Variants in RPTOR observed in about 807,000 individuals in gnomAD.
The protein encoded by RPTOR is regulatory associated protein of MTOR complex 1.
RPTOR carries 21 observed loss-of-function variants against 169.9 expected under a neutral mutation model. The ratio of observed to expected loss-of-function variants is 0.12; its 90% confidence interval spans 0.09 to 0.18. RPTOR has a LOEUF of 0.18. Among genes scored for constraint, RPTOR ranks in the 10% least tolerant of loss-of-function variants. The pLI is 1.00. For synonymous variants in RPTOR, 732 were observed against 753.2 expected (o/e 0.97, Z 0.46); for missense variants, 1,133 against 1,855.9 (o/e 0.61, Z 7.16).
At chr17:80,927,107 T>A (rs1033849126) in intron 24 of RPTOR, among the ~76,000 whole-genome samples, 2 of 152,152 alleles carry the variant, frequency 1.3e-5, no homozygotes, top group Admixed American at 1.3e-4. Context: ...ATCCTGGAAT[T>A]GGATGCAGGA....
chr17:80,557,011 G>A (rs1050334022), intron 1 of RPTOR, among the ~76,000 whole-genome samples: 5 of 152,148 alleles, frequency 3.3e-5, no homozygotes, highest in Admixed American at 6.5e-5. Flanking sequence ...CAGGAGAATC[G>A]CTTGAACTCA....
At chr17:80,759,882 A>G (rs964335830) in intron 6 of RPTOR, among the ~76,000 whole-genome samples, 2 of 152,290 alleles carry the variant, frequency 1.3e-5, no homozygotes, top group Admixed American at 1.3e-4. Flanking sequence ...ACTAGTGTTC[A>G]CTTTTTGATG....
At chr17:80,596,218 C>G (rs942082382) in intron 1 of RPTOR, among the ~76,000 whole-genome samples, 10 of 152,162 alleles carry the variant, frequency 6.6e-5, no homozygotes, top group African/African-American at 2.2e-4. Context: ...TCACATTTTC[C>G]TGGTTGAGAT....
At chr17:80,563,585 T>TA (rs113192259) in intron 1 of RPTOR, among the ~76,000 whole-genome samples, 6 of 136,984 alleles carry the variant, frequency 4.4e-5, no homozygotes, top group Admixed American at 7.9e-5. Flanking sequence ...AAAAAAAAGA[T>TA]AATAAATAAA....
chr17:80,634,275 G>C (rs62641966), intron 2 of RPTOR, among the ~76,000 whole-genome samples: 2 of 52,106 alleles, frequency 3.8e-5, no homozygotes, highest in East Asian at 1.1e-3. Flanking sequence ...GTGTGTGTGC[G>C]TACTGTGTGT....
intron 1 of RPTOR, among the ~76,000 whole-genome samples, chr17:80,554,615 G>A (rs947061639): frequency 3.9e-5 from 6 of 152,054 alleles, no homozygotes; most frequent in African/African-American, 1.4e-4. Context: ...GAGGTGACGG[G>A]CGCCTGTAGT....
At chr17:80,691,651 T>G (rs2065992869) in intron 3 of RPTOR, among the ~76,000 whole-genome samples, 1 of 152,206 alleles carries the variant, frequency 6.6e-6, no homozygotes, top group South Asian at 2.1e-4. Flanking sequence ...AGCCAGCATG[T>G]TCTGTGCCAT....
intron 6 of RPTOR, chr17:80,774,055 C>T (rs557546225): frequency 4.1e-6 from 4 of 985,386 alleles, no homozygotes; most frequent in South Asian, 9.4e-5. Flanking sequence ...TCTATTTCTT[C>T]GTTGAAAGAA....
chr17:80,751,334 T>C (rs1394258951), intron 5 of RPTOR, among the ~76,000 whole-genome samples: 1 of 152,188 alleles, frequency 6.6e-6, no homozygotes, highest in Non-Finnish European at 1.5e-5. Context: ...TGCCCGGCAC[T>C]CTGGACGCAT....
intron 1 of RPTOR, among the ~76,000 whole-genome samples, chr17:80,608,681 C>T (rs953079750): frequency 3.3e-5 from 5 of 152,124 alleles, no homozygotes; most frequent in Non-Finnish European, 4.4e-5. Context: ...GGGCCACTGC[C>T]GCCTGCTGAG....
rs562201029 is a variant in RPTOR at position 80,840,749 on chromosome 17, ACT to A, written c.1212+2756_1212+2757del. Among the ~76,000 whole-genome samples, 24 of 110,136 alleles carry A rather than the reference ACT, an allele frequency of 2.2e-4. 1 individual carries two copies. The highest frequency in any genetic ancestry group is 6.9e-4 in the South Asian group (2 of 2,918). The allele number at this position is 110,136 out of a possible 152,430, so 72.3% of individuals were successfully genotyped here. A position where few individuals can be genotyped will look rare whatever the true frequency, so the allele number is the denominator to read the frequency against. ...GCTCACTCTCACCGCACGGCAGCTC[ACT>A]CTCACCACACGGCAGCTCTCACCAC... is the stretch of plus-strand genomic sequence containing the variant. On this transcript the variant is annotated intron_variant, in intron 10 of 33. Coordinates refer to ENST00000306801, the MANE Select transcript of RPTOR (RefSeq NM_020761.3).
At chr17:80,941,546 A>G (rs2069028336) in intron 25 of RPTOR, among the ~76,000 whole-genome samples, 1 of 152,210 alleles carries the variant, frequency 6.6e-6, no homozygotes, top group South Asian at 2.1e-4. Flanking sequence ...CCTCGCGGCC[A>G]CAGGCTCCCA....
intron 3 of RPTOR, among the ~76,000 whole-genome samples, chr17:80,672,163 G>T (rs1282334929): frequency 6.6e-6 from 1 of 152,180 alleles, no homozygotes; most frequent in Non-Finnish European, 1.5e-5. Context: ...TGAAGGTCAG[G>T]TTAAGATCTC....
At chr17:80,856,504 G>A (rs890910451) in intron 12 of RPTOR, among the ~76,000 whole-genome samples, 1 of 152,212 alleles carries the variant, frequency 6.6e-6, no homozygotes, top group African/African-American at 2.4e-5. Flanking sequence ...GTAATTGATA[G>A]TCCAGCACTG....
At chr17:80,711,371 T>C (rs1300003475) in intron 4 of RPTOR, among the ~76,000 whole-genome samples, 1 of 142,760 alleles carries the variant, frequency 7.0e-6, no homozygotes, top group Non-Finnish European at 1.6e-5. Context: ...TTTGACACTT[T>C]TTTTCTTGTC....
intron 1 of RPTOR, among the ~76,000 whole-genome samples, chr17:80,570,450 A>AT (rs892531190): frequency 2.6e-5 from 4 of 151,774 alleles, no homozygotes; most frequent in Non-Finnish European, 4.4e-5. Flanking sequence ...CTGATGGTTG[A>AT]TTTTTTTATT....
At chr17:80,884,049 C>G (rs974883152) in intron 16 of RPTOR, 77 bp downstream of exon 16, 2 of 1,429,694 alleles carry the variant, frequency 1.4e-6, no homozygotes, top group Non-Finnish European at 9.5e-7. Flanking sequence ...TGCTCGCGTG[C>G]GGGTGTGGCC....
In RPTOR at chr17:80,562,984, G is replaced by A. The variant is rs745420575; in HGVS notation, c.162+17193G>A. 6.6e-6 allele frequency among the ~76,000 whole-genome samples: 1 copy of A among 152,198 alleles called. No individual in the cohort carries two copies. Among genetic ancestry groups the A allele is most frequent in the East Asian group, 1.9e-4 (1 of 5,202 alleles). Reference sequence around the variant, plus strand: ...GAAGATGCTTCATGTTGGCACATGTGGCTTCATCGGGTGGGCTACCATCCT... The same window carrying A: ...GAAGATGCTTCATGTTGGCACATGTAGCTTCATCGGGTGGGCTACCATCCT... On this transcript the variant is annotated intron_variant, in intron 1 of 33. Coordinates refer to ENST00000306801, the MANE Select transcript of RPTOR (RefSeq NM_020761.3). The surrounding 1 kb of genome is among the most constrained non-coding windows in gnomAD (Gnocchi z 4.4).
At chr17:80,559,121 C>T (rs1180550141) in intron 1 of RPTOR, among the ~76,000 whole-genome samples, 2 of 152,136 alleles carry the variant, frequency 1.3e-5, no homozygotes, top group Admixed American at 6.5e-5. Flanking sequence ...CCTTGGTAAC[C>T]GCTCTTCTGC....
Sources: allele counts gnomAD v4.1 joint callset (sites outside exome capture counted in the v4.1 genomes callset), GRCh38; gene constraint gnomAD v4.1.1; non-coding constraint Gnocchi (gnomAD v3.1); transcripts MANE v1.5; gene names NCBI Gene and HGNC (gene_info 2026-07-23, HGNC 2026-07-21).